TPP2: variants seen among roughly 807,000 people sequenced by gnomAD.
TPP2 encodes tripeptidyl-peptidase 2.
In TPP2, 34 loss-of-function variants were observed where a neutral mutation model predicts 155.9. The ratio of observed to expected loss-of-function variants is 0.22; its 90% confidence interval spans 0.17 to 0.29. TPP2 has a LOEUF of 0.29. Ranked by LOEUF, TPP2 falls within the 10% of genes least tolerant of loss-of-function variation. The pLI is 1.00. For missense variants in TPP2, 1,028 were observed against 1,522.3 expected, an observed-to-expected ratio of 0.68 and a Z score of 5.40; for synonymous variants, 510 against 529.4, an observed-to-expected ratio of 0.96 and a Z score of 0.50.
At chr13:102,657,273 T>C (rs932760203) in intron 25 of TPP2, 66 bp downstream of exon 25, 1 of 1,382,302 alleles carries the variant, frequency 7.2e-7, no homozygotes, top group South Asian at 1.5e-5. Flanking sequence ...ATAACAATAT[T>C]GTGTATATAT....
chr13:102,602,265 T>C lies in TPP2; in HGVS notation c.166-2528T>C, dbSNP rs11843634. 5.2e-3 allele frequency among the ~76,000 whole-genome samples: 793 copies of C among 152,342 alleles called. 6 individuals are homozygous for C. The highest frequency in any genetic ancestry group is 0.018 in the African/African-American group (739 of 41,592). ...CCATTTTTATTTTGGTAGATTTTCT[T>C]ACATTTTTCTCTTTTTTAATTATAT... On this transcript the variant is annotated intron_variant, in intron 1 of 29. Transcript: ENST00000376052.
chr13:102,621,358 T>G (rs575843806), intron 5 of TPP2, among the ~76,000 whole-genome samples: 11 of 152,264 alleles, frequency 7.2e-5, no homozygotes, highest in Middle Eastern at 3.4e-3. Context: ...GACTCTAGAT[T>G]CCATGGAAGC....
rs1885476271 is a variant in TPP2 at position 102,679,097 on chromosome 13, A to T, written c.*781A>T. ...ACATGAATAAATTTGCAAAACCAAG[A>T]TCACAGTACACCATATGCACTCTGG... On this transcript the variant is annotated 3_prime_UTR_variant, in exon 30 of 30. Coordinates refer to ENST00000376052, the MANE Select transcript of TPP2 (RefSeq NM_001330588.2). 6.6e-6 allele frequency: 1 copy of T among 152,624 alleles called. No homozygotes were observed. The highest frequency in any genetic ancestry group is 1.5e-5 in the Non-Finnish European group (1 of 68,030). 9.5% of individuals were successfully genotyped at this position (152,624 alleles called of 1,614,324 possible). A position where few individuals can be genotyped will look rare whatever the true frequency, so the allele number is the denominator to read the frequency against.
intron 2 of TPP2, among the ~76,000 whole-genome samples, chr13:102,611,976 G>A (rs577859309): frequency 3.4e-4 from 52 of 152,196 alleles, no homozygotes; most frequent in South Asian, 8.3e-4. Flanking sequence ...TTGTCCCTTC[G>A]TTTTTGGATG....
rs79983643 is a variant in TPP2, at chr13:102,656,593, C to T, written c.2992-463C>T. Reference sequence around the variant, plus strand: ...CTTTACCTATTCTAGCATTACCTGGCACATCGCGGGGACTCAGTAAGTCCT... The same window carrying T: ...CTTTACCTATTCTAGCATTACCTGGTACATCGCGGGGACTCAGTAAGTCCT... On this transcript the variant is annotated intron_variant, in intron 24 of 29. Transcript: ENST00000376052. 2.6e-3 allele frequency among the ~76,000 whole-genome samples: 401 copies of T among 152,244 alleles called. 1 individual carries two copies. The highest frequency in any genetic ancestry group is 4.6e-3 in the Non-Finnish European group (313 of 68,030).
intron 6 of TPP2, among the ~76,000 whole-genome samples, chr13:102,624,088 A>G (rs1791363027): frequency 6.6e-6 from 1 of 152,360 alleles, no homozygotes; most frequent in Middle Eastern, 3.4e-3. Flanking sequence ...TAAACCCCTA[A>G]TACATAAATT....
intron 27 of TPP2, among the ~76,000 whole-genome samples, chr13:102,670,665 T>G (rs1321800046): frequency 6.6e-6 from 1 of 152,126 alleles, no homozygotes; most frequent in South Asian, 2.1e-4. Flanking sequence ...CCTGGGAGAG[T>G]CTAGGGCTGT....
chr13:102,678,297 C>T lies in TPP2; in HGVS notation c.3770C>T (p.Pro1257Leu). 6.2e-7 allele frequency: 1 copy of T among 1,613,428 alleles called. No homozygotes were observed. The highest frequency in any genetic ancestry group is 1.3e-5 in the African/African-American group (1 of 74,912). ...AACTGGCTCCCCATCATGTATCCTC[C>T]CGATTATTGCGTATTCTAAAATAGG... ...TENWLPIMYP[P>L]DYCVF Residue 1257 changes from proline (P) to leucine (L), a missense_variant, in exon 30 of 30, where the codon CCC (proline) becomes CTC (leucine). Physicochemically the swap from Pro to Leu is moderately conservative, Grantham distance 98 (BLOSUM62 -3). Coordinates refer to ENST00000376052, the MANE Select transcript of TPP2 (RefSeq NM_001330588.2).
chr13:102,631,324 T>C (rs1240819961), intron 10 of TPP2: 1 of 152,236 alleles, frequency 6.6e-6, no homozygotes, highest in African/African-American at 2.4e-5. Context: ...TAGCTTATTA[T>C]AAAGTGTCAT....
rs138593202 is a variant in TPP2, at chr13:102,639,383, A to T, written c.1914-887A>T. On this transcript the variant is annotated intron_variant, in intron 15 of 29. Transcript: ENST00000376052. ...GGATGAAATTGAGGAGAATAAATTT[A>T]AAAAGTGGTATACATGTGGAAAAAT... 1.7e-3 allele frequency among the ~76,000 whole-genome samples: 263 copies of T among 152,282 alleles called. 1 individual carries two copies. The highest frequency in any genetic ancestry group is 6.0e-3 in the African/African-American group (250 of 41,564).
chr13:102,624,852 C>CTTTTTTTTTTTTTTTT (rs1029486604), intron 6 of TPP2, among the ~76,000 whole-genome samples: 3 of 83,422 alleles, frequency 3.6e-5, no homozygotes, highest in Non-Finnish European at 4.3e-5. Context: ...TTTTTTTTTC[C>CTTTTTTTTTTTTTTTT]TTTTTTTTTT....
chr13:102,662,205 G>C (rs1025804136), intron 25 of TPP2, among the ~76,000 whole-genome samples: 4 of 152,226 alleles, frequency 2.6e-5, no homozygotes, highest in African/African-American at 9.6e-5. Context: ...TGTCCAGAAT[G>C]AGGAAATCTA....
intron 9 of TPP2, 91 bp downstream of exon 9, chr13:102,629,700 G>A: frequency 7.6e-6 from 11 of 1,443,796 alleles, no homozygotes; most frequent in Non-Finnish European, 9.1e-6. Flanking sequence ...TCTGCTACAC[G>A]TAAGACACTG....
intron 28 of TPP2, 63 bp from the exon 29 acceptor site, chr13:102,676,233 A>C: frequency 7.2e-7 from 1 of 1,393,254 alleles, no homozygotes; most frequent in Non-Finnish European, 9.7e-7. Context: ...TTTTATGGTT[A>C]AAGCTAATGC....
intron 7 of TPP2, among the ~76,000 whole-genome samples, chr13:102,627,504 G>A (rs962084720): frequency 6.6e-6 from 1 of 151,870 alleles, no homozygotes; most frequent in African/African-American, 2.4e-5. Flanking sequence ...CTAACATTCT[G>A]TACGTCATTT....
At position 102,599,359 on chromosome 13, in the gene TPP2, A is replaced by G. The variant is rs371133918; in HGVS notation, c.165+2156A>G. Among the ~76,000 whole-genome samples, 8 of 152,248 alleles carry G rather than the reference A, an allele frequency of 5.3e-5. No homozygotes were observed. In the South Asian group the frequency reaches 1.7e-3, roughly 32 times the overall value. On this transcript the variant is annotated intron_variant, in intron 1 of 29. Coordinates refer to ENST00000376052, the MANE Select transcript of TPP2 (RefSeq NM_001330588.2). ...GCCTAAACATAGCCAGTTAAAAGAA[A>G]TTGGGTACGGTGGCTTGCAAACGTG... is the stretch of plus-strand genomic sequence containing the variant.
rs548398852 is a variant in TPP2, at chr13:102,659,791, AATT to A, written c.3143+2590_3143+2592del. Among the ~76,000 whole-genome samples the A allele has an allele frequency of 2.0e-5, 3 of 152,352 alleles. No homozygotes were observed. The East Asian group carries it at 5.8e-4, about 29-fold the overall frequency. On this transcript the variant is annotated intron_variant, in intron 25 of 29. Coordinates refer to ENST00000376052, the MANE Select transcript of TPP2 (RefSeq NM_001330588.2). ...TGGGGAAAGAAACACTGGTAAAGTT[AATT>A]ATTATGGAATTATAAAAGACAGCAT...
At chr13:102,629,300 A>G (rs928742593) in intron 8 of TPP2, among the ~76,000 whole-genome samples, 182 bp from the exon 9 acceptor site, 1 of 152,182 alleles carries the variant, frequency 6.6e-6, no homozygotes, top group Admixed American at 6.5e-5. Context: ...ATTTGGCCTT[A>G]TAACTGCTTC....
intron 26 of TPP2, among the ~76,000 whole-genome samples, chr13:102,664,474 A>C (rs956877405): frequency 1.3e-5 from 2 of 152,198 alleles, no homozygotes; most frequent in African/African-American, 4.8e-5. Flanking sequence ...ATCTTAAGAA[A>C]TACAGAAAAG....
Sources: gnomAD v4.1 joint callset for allele counts (sites outside exome capture counted in the v4.1 genomes callset) on GRCh38, gnomAD v4.1.1 for gene constraint, MANE v1.5 for transcripts, NCBI Gene and HGNC (gene_info 2026-07-23, HGNC 2026-07-21) for gene names.